The following EPHA4 variants were observed in gnomAD, a reference collection of about 807,000 sequenced individuals.
EPHA4 encodes the protein EPH receptor A4, also known as ephrin type-A receptor 4.
Under a neutral mutation model 108.3 loss-of-function variants are expected in EPHA4, and 19 were observed. That is an observed-to-expected ratio of 0.18 (90% CI 0.12 to 0.26). The LOEUF is 0.26. Ranked by LOEUF, EPHA4 falls within the 10% of genes least tolerant of loss-of-function variation. EPHA4 has a pLI of 1.00. For synonymous variants in EPHA4, 449 were observed against 455.5 expected, an observed-to-expected ratio of 0.99 and a Z score of 0.18; for missense variants, 917 against 1,254.0, an observed-to-expected ratio of 0.73 and a Z score of 4.06.
chr2:221,513,964 ATG>A (rs1692912524), intron 3 of EPHA4, among the ~76,000 whole-genome samples: 1 of 152,130 alleles, frequency 6.6e-6, no homozygotes, highest in Non-Finnish European at 1.5e-5. Flanking sequence ...AGTCCCAGGG[ATG>A]GTAGCAAAGA....
chr2:221,456,402 C>T (rs1690952820), intron 7 of EPHA4, among the ~76,000 whole-genome samples: 2 of 152,088 alleles, frequency 1.3e-5, no homozygotes, highest in Admixed American at 1.3e-4. Flanking sequence ...TAGGAAAAGA[C>T]AAATCAGTAT....
chr2:221,483,532 G>T (rs1358917479), intron 4 of EPHA4, among the ~76,000 whole-genome samples: 3 of 151,734 alleles, frequency 2.0e-5, no homozygotes, highest in African/African-American at 7.3e-5. Flanking sequence ...GTGTGTGTGT[G>T]TGTGATGGAG....
In EPHA4 at chr2:221,426,627, G is replaced by C. The variant is rs1286409436; in HGVS notation, c.2691-8C>G. The C allele has an allele frequency of 6.2e-7, 1 of 1,609,446 alleles. No homozygotes were observed. Among genetic ancestry groups the C allele is most frequent in the Non-Finnish European group, 8.5e-7 (1 of 1,178,876 alleles). ...AACAAGGCAGTGTTAGGTCTAGAAA[G>C]AGAACAAGAAAATATAAGCAGAACG... is the stretch of plus-strand genomic sequence containing the variant. On this transcript the variant is annotated splice_polypyrimidine_tract_variant and splice_region_variant and intron_variant, in intron 15 of 17. Coordinates refer to ENST00000281821, the MANE Select transcript of EPHA4 (RefSeq NM_004438.5).
At chr2:221,443,360 A>G (rs1690489087) in intron 10 of EPHA4, 133 bp downstream of exon 10, 2 of 629,656 alleles carry the variant, frequency 3.2e-6, no homozygotes, top group Non-Finnish European at 5.4e-6. Context: ...ATGATATTTT[A>G]TACTCAAAAA....
chr2:221,556,038 T>C (rs1053340836), intron 3 of EPHA4, among the ~76,000 whole-genome samples: 10 of 152,220 alleles, frequency 6.6e-5, no homozygotes, highest in Non-Finnish European at 1.0e-4. Context: ...GCAGTAGTTC[T>C]CAACATTTTC....
At chr2:221,456,021 G>T (rs147098760) in intron 7 of EPHA4, among the ~76,000 whole-genome samples, 23 of 152,098 alleles carry the variant, frequency 1.5e-4, no homozygotes, top group African/African-American at 5.1e-4. Context: ...TATCAAACAT[G>T]CCCAATTTGG....
chr2:221,445,589 G>GAA (rs35067500), intron 9 of EPHA4, among the ~76,000 whole-genome samples: 20 of 88,390 alleles, frequency 2.3e-4, no homozygotes, highest in African/African-American at 4.3e-4. Context: ...GACTCCGTCA[G>GAA]AAAAAAAAAA....
At chr2:221,445,213 A>G (rs190787409) in intron 9 of EPHA4, among the ~76,000 whole-genome samples, 1 of 152,280 alleles carries the variant, frequency 6.6e-6, no homozygotes, top group Non-Finnish European at 1.5e-5. Context: ...TACATTTTGG[A>G]CAGTGCAGAT....
At chr2:221,432,324 G>A (rs1358286776) in intron 14 of EPHA4, among the ~76,000 whole-genome samples, 1 of 152,100 alleles carries the variant, frequency 6.6e-6, no homozygotes, top group Non-Finnish European at 1.5e-5. Context: ...TTTACTATTT[G>A]CTCATTTAGG....
intron 9 of EPHA4, among the ~76,000 whole-genome samples, chr2:221,445,589 G>GAAAAA (rs35067500): frequency 2.3e-5 from 2 of 88,422 alleles, no homozygotes; most frequent in Non-Finnish European, 2.2e-5. Flanking sequence ...GACTCCGTCA[G>GAAAAA]AAAAAAAAAA....
intron 5 of EPHA4, among the ~76,000 whole-genome samples, chr2:221,465,081 G>A (rs1691263909): frequency 6.6e-6 from 1 of 151,934 alleles, no homozygotes; most frequent in African/African-American, 2.4e-5. Context: ...TCCAAGGTCA[G>A]ACCAGAGTCT....
chr2:221,523,479 G>GT (rs1442801225), intron 3 of EPHA4, among the ~76,000 whole-genome samples: 2 of 152,154 alleles, frequency 1.3e-5, no homozygotes, highest in Non-Finnish European at 2.9e-5. Flanking sequence ...TAGAGATGGG[G>GT]TTTCTCCATG....
chr2:221,443,068 G>A, intron 10 of EPHA4, 54 bp from the exon 11 acceptor site: 1 of 1,544,782 alleles, frequency 6.5e-7, no homozygotes, highest in Non-Finnish European at 8.9e-7. Flanking sequence ...CAAGATGAAA[G>A]AATAACAGCT....
At position 221,571,315 on chromosome 2, in the gene EPHA4, C is replaced by A. The variant is rs1207574868; in HGVS notation, c.91+843G>T. ...GGTTTCTCAGAAACTAAATGATCAC[C>A]GCCCCCCCGCCCCGCCCCACCTCCC... is the stretch of plus-strand genomic sequence containing the variant. On this transcript the variant is annotated intron_variant, in intron 1 of 17. Coordinates refer to ENST00000281821, the MANE Select transcript of EPHA4 (RefSeq NM_004438.5). The surrounding 1 kb of genome is among the most constrained non-coding windows in gnomAD (Gnocchi z 6.3). Among the ~76,000 whole-genome samples, 1 of 151,264 alleles carries A rather than the reference C, an allele frequency of 6.6e-6. No homozygotes were observed. The highest frequency in any genetic ancestry group is 1.5e-5 in the Non-Finnish European group (1 of 67,806).
intron 3 of EPHA4, among the ~76,000 whole-genome samples, chr2:221,539,214 G>A (rs756035650): frequency 5.9e-5 from 9 of 152,190 alleles, no homozygotes; most frequent in African/African-American, 9.7e-5. Flanking sequence ...TGTGTTTCAC[G>A]TATTTACTTA....
chr2:221,501,921 G>GT (rs1449667394), intron 3 of EPHA4, among the ~76,000 whole-genome samples: 1 of 152,040 alleles, frequency 6.6e-6, no homozygotes, highest in Non-Finnish European at 1.5e-5. Context: ...CGAATATTTT[G>GT]TGTCTATTTT....
chr2:221,457,773 G>A, intron 6 of EPHA4, 93 bp downstream of exon 6: 1 of 1,299,670 alleles, frequency 7.7e-7, no homozygotes, highest in Non-Finnish European at 1.1e-6. Flanking sequence ...AAGAAGAGAG[G>A]GAGGGAGGGA....
intron 8 of EPHA4, among the ~76,000 whole-genome samples, chr2:221,447,545 G>T (rs1690630651): frequency 6.6e-6 from 1 of 152,152 alleles, no homozygotes; most frequent in East Asian, 1.9e-4. Context: ...AGCAGCGCAA[G>T]AACCAGCTCA....
intron 15 of EPHA4, among the ~76,000 whole-genome samples, chr2:221,428,039 T>C (rs1689963449): frequency 6.6e-6 from 1 of 152,204 alleles, no homozygotes; most frequent in Admixed American, 6.5e-5. Context: ...ATATAATTAT[T>C]CTTTCAATTT....
Sources: allele counts gnomAD v4.1 joint callset (sites outside exome capture counted in the v4.1 genomes callset), GRCh38; gene constraint gnomAD v4.1.1; non-coding constraint Gnocchi (gnomAD v3.1); transcripts MANE v1.5; gene names NCBI Gene and HGNC (gene_info 2026-07-23, HGNC 2026-07-21).